The following USP32 variants were observed in gnomAD, a reference collection of about 807,000 sequenced individuals.
USP32 encodes ubiquitin carboxyl-terminal hydrolase 32.
Under a neutral mutation model 204.8 loss-of-function variants are expected in USP32, and 59 were observed. The ratio of observed to expected loss-of-function variants is 0.29; its 90% CI spans 0.23 to 0.36. The LOEUF is 0.36. Among genes scored for constraint, USP32 ranks in the 10% least tolerant of loss-of-function variants. USP32 has a pLI of 1.00. For synonymous variants in USP32, 517 were observed against 678.4 expected, an observed-to-expected ratio of 0.76 and a Z score of 3.70; for missense variants, 1,160 against 1,946.4, an observed-to-expected ratio of 0.60 and a Z score of 7.60.
intron 1 of USP32, among the ~76,000 whole-genome samples, chr17:60,402,089 T>G (rs954978777): frequency 2.9e-4 from 44 of 152,104 alleles, no homozygotes; most frequent in African/African-American, 9.9e-4. Flanking sequence ...AAATTCTAGT[T>G]AATAGGTCAC....
chr17:60,182,232 T>A (rs2084130211), intron 31 of USP32, among the ~76,000 whole-genome samples: 1 of 152,242 alleles, frequency 6.6e-6, no homozygotes, highest in Admixed American at 6.5e-5. Flanking sequence ...CTCTTACCCA[T>A]AGCCCCTTTT....
At position 60,225,950 on chromosome 17, in the gene USP32, C is replaced by T. The variant is rs536684081; in HGVS notation, c.1432+89G>A. On this transcript the variant is annotated intron_variant, in intron 13 of 33. Transcript: ENST00000300896. Reference sequence around the variant, plus strand: ...GCCTGGGCAAAATGTGAAACTCAGTCTCAAAAAAAAAAAAAAAAAAGAAAA... The same window carrying T: ...GCCTGGGCAAAATGTGAAACTCAGTTTCAAAAAAAAAAAAAAAAAAGAAAA... The T allele has an allele frequency of 3.6e-6, 4 of 1,099,932 alleles. No homozygotes were observed. In the Admixed American group the frequency reaches 1.2e-4, roughly 34 times the overall value. 68.1% of individuals were successfully genotyped at this position (1,099,932 alleles called of 1,614,324 possible). A position where few individuals can be genotyped will look rare whatever the true frequency, so the allele number is the denominator to read the frequency against.
chr17:60,330,172 C>T (rs2088345700), intron 2 of USP32, among the ~76,000 whole-genome samples: 2 of 152,148 alleles, frequency 1.3e-5, no homozygotes. Flanking sequence ...GCTTCTGGTT[C>T]AATTACTAGG....
At chr17:60,394,964 G>A (rs186118927), upstream of USP32, among the ~76,000 whole-genome samples, 451 of 152,158 alleles carry the variant, frequency 3.0e-3, 8 homozygotes, top group East Asian at 0.012. Flanking sequence ...GGCTGGTCTC[G>A]AACTCCTGAC....
chr17:60,221,897 G>C (rs1288001441), intron 15 of USP32, among the ~76,000 whole-genome samples: 7 of 152,086 alleles, frequency 4.6e-5, no homozygotes, highest in Non-Finnish European at 1.0e-4. Context: ...TGTTTACCGT[G>C]TAAGCACAAC....
intron 7 of USP32, among the ~76,000 whole-genome samples, chr17:60,268,815 A>G (rs977030629): frequency 1.3e-5 from 2 of 152,116 alleles, no homozygotes; most frequent in Non-Finnish European, 2.9e-5. Flanking sequence ...ATTGAACACC[A>G]CACCCAAAAT....
Position 60,183,325 on chromosome 17 carries a change from C to A in USP32, c.3963G>T (p.Gln1321His), listed in dbSNP as rs766496009. 2.0e-5 allele frequency: 32 copies of A among 1,613,866 alleles called. No homozygotes were observed. The highest frequency in any genetic ancestry group is 8.5e-7 in the Non-Finnish European group (1 of 1,179,872). The part of the protein sequence containing the change: ...FLVPRDPALC[Q>H]HKPLTPQGDE... Reference sequence around the variant, plus strand: ...CCCCCTGGGGTGTGAGTGGTTTATGCTGGCAGAGAGCCGGGTCTCTTGGTA... The same window carrying A: ...CCCCCTGGGGTGTGAGTGGTTTATGATGGCAGAGAGCCGGGTCTCTTGGTA... Residue 1321 changes from glutamine to histidine, a missense_variant, in exon 31 of 34, where the codon CAG (glutamine) becomes CAT (histidine). By Grantham distance (24) the Gln-to-His change is conservative (BLOSUM62 0). This residue lies in a region of USP32 where 244 missense variants were observed against 342.3 expected (regional missense o/e 0.71). Transcript: ENST00000300896.
In USP32 at chr17:60,403,453, T is replaced by A. The variant is rs1009093052; in HGVS notation, c.106+18793A>T. ...ATCCAGAAATGTTGTCATGCCACAGTCTGCCCTCGGGTTACAATTCAGATT... is the reference window on the plus strand; with the variant it reads ...ATCCAGAAATGTTGTCATGCCACAGACTGCCCTCGGGTTACAATTCAGATT... On this transcript the variant is annotated intron_variant, in intron 1 of 3. Transcript: ENST00000588898. Among the ~76,000 whole-genome samples, 3 of 152,292 alleles carry A rather than the reference T, an allele frequency of 2.0e-5. No individual in the cohort carries two copies. In the South Asian group the frequency reaches 6.2e-4, roughly 32 times the overall value.
At chr17:60,208,875 A>C in intron 22 of USP32, 47 bp from the exon 23 acceptor site, 1 of 1,503,956 alleles carries the variant, frequency 6.6e-7, no homozygotes, top group Non-Finnish European at 8.9e-7. Context: ...CCAAAAGAGA[A>C]GCATTTCTAT....
intron 4 of USP32, among the ~76,000 whole-genome samples, chr17:60,292,164 T>C (rs1373899606): frequency 6.6e-6 from 1 of 152,056 alleles, no homozygotes; most frequent in East Asian, 1.9e-4. Flanking sequence ...CAGGACACTA[T>C]TCTCTTTTAT....
chr17:60,251,259 A>G (rs1485078233), intron 11 of USP32, among the ~76,000 whole-genome samples: 1 of 151,796 alleles, frequency 6.6e-6, no homozygotes, highest in Non-Finnish European at 1.5e-5. Context: ...CTTTCTTAAT[A>G]AACTTGCCTT....
In USP32 at chr17:60,179,229, G is replaced by A; in HGVS notation, c.*26C>T. On this transcript the variant is annotated 3_prime_UTR_variant, in exon 34 of 34. Transcript: ENST00000300896. ...AAGGAGTCATCTCCCTCACCGCCAA[G>A]CTGTCTAGCAGCCAGAGTGGTAGCT... 2 of 1,601,954 alleles carry A rather than the reference G, an allele frequency of 1.2e-6. No homozygotes were observed. Among genetic ancestry groups the A allele is most frequent in the Non-Finnish European group, 1.7e-6 (2 of 1,171,358 alleles).
At position 60,234,526 on chromosome 17, in the gene USP32, G is replaced by A. The variant is rs558494652; in HGVS notation, c.1239+1612C>T. ...GCAGATCACGAGGTCAGGAGATTGA[G>A]ACCATCCTGGCTAACACAGTGAAGC... is the stretch of plus-strand genomic sequence containing the variant. On this transcript the variant is annotated intron_variant, in intron 12 of 33. Transcript: ENST00000300896. 2.0e-5 allele frequency among the ~76,000 whole-genome samples: 3 copies of A among 151,474 alleles called. No homozygotes were observed. The South Asian group carries it at 6.3e-4, about 32-fold the overall frequency.
chr17:60,336,715 C>CAAAAAAAAAAAAAA (rs573590957), intron 2 of USP32, among the ~76,000 whole-genome samples: 1 of 71,610 alleles, frequency 1.4e-5, no homozygotes, highest in African/African-American at 4.0e-5. Context: ...GACTCCATCT[C>CAAAAAAAAAAAAAA]AAAAAAAAAA....
At chr17:60,283,669 T>C (rs1262173344) in intron 5 of USP32, among the ~76,000 whole-genome samples, 1 of 151,200 alleles carries the variant, frequency 6.6e-6, no homozygotes, top group East Asian at 1.9e-4. Context: ...AGAACAAGTT[T>C]GCCTTTTTTT....
intron 2 of USP32, among the ~76,000 whole-genome samples, chr17:60,326,941 A>G (rs763496180): frequency 2.0e-5 from 3 of 150,400 alleles, no homozygotes; most frequent in Non-Finnish European, 4.4e-5. Context: ...TCATAGAAGT[A>G]GAGAGTAGAA....
chr17:60,275,746 CTG>C (rs2086824331), intron 5 of USP32, among the ~76,000 whole-genome samples: 1 of 152,046 alleles, frequency 6.6e-6, no homozygotes, highest in South Asian at 2.1e-4. Flanking sequence ...GAATCTCACT[CTG>C]TTGCCCAGAC....
At chr17:60,186,540 C>T (rs1295555295) in intron 29 of USP32, among the ~76,000 whole-genome samples, 1 of 152,212 alleles carries the variant, frequency 6.6e-6, no homozygotes, top group African/African-American at 2.4e-5. Context: ...TTATCTGTCT[C>T]CTCCCTCATG....
chr17:60,390,435 G>A (rs2089811347), intron 1 of USP32, among the ~76,000 whole-genome samples: 1 of 152,176 alleles, frequency 6.6e-6, no homozygotes, highest in Non-Finnish European at 1.5e-5. Flanking sequence ...GCCTACTAGG[G>A]CTGGAAACAC....
Sources: allele counts gnomAD v4.1 joint callset (sites outside exome capture counted in the v4.1 genomes callset), GRCh38; gene constraint gnomAD v4.1.1; regional missense constraint gnomAD v4.1.1; transcripts MANE v1.5; gene names NCBI Gene and HGNC (gene_info 2026-07-23, HGNC 2026-07-21).